PCDHA4: variants seen among roughly 807,000 people sequenced by gnomAD.
PCDHA4 encodes protocadherin alpha 4, also known as protocadherin alpha-4.
PCDHA4 carries 49 observed loss-of-function variants against 61.4 expected under a neutral mutation model. The ratio of observed to expected loss-of-function variants is 0.80; its 90% confidence interval spans 0.63 to 1.01. PCDHA4 has a LOEUF of 1.01. PCDHA4 is among the 50% of genes least tolerant of loss of function. The probability of loss-of-function intolerance (pLI) is 0.00; values close to 1 mark genes in which losing one functional copy is unlikely to be tolerated. For missense variants in PCDHA4, 1,254 were observed against 1,235.8 expected (o/e 1.01, Z -0.22); for synonymous variants, 590 against 550.3 (o/e 1.07, Z -1.01).
chr5:140,857,610 C>T (rs1436552212), intron 1 of PCDHA4: 2 of 1,596,344 alleles, frequency 1.3e-6, no homozygotes, highest in South Asian at 2.2e-5. Flanking sequence ...GCGCTGCAGC[C>T]GCTGGACCAC....
chr5:140,858,711 A>T, intron 1 of PCDHA4: 1 of 537,382 alleles, frequency 1.9e-6, no homozygotes, highest in East Asian at 3.0e-5. Context: ...TATGTGATAT[A>T]GGTTGCAGTT....
chr5:140,823,977 C>G (rs2150131083), intron 1 of PCDHA4: 2 of 1,614,044 alleles, frequency 1.2e-6, no homozygotes, highest in Non-Finnish European at 1.7e-6. Flanking sequence ...GCACACGGGG[C>G]AAGCCCACTC....
intron 1 of PCDHA4, chr5:140,876,998 C>T: frequency 6.2e-7 from 1 of 1,612,502 alleles, no homozygotes; most frequent in South Asian, 1.1e-5. Flanking sequence ...AGCTACGTGT[C>T]GGTGCACGCG....
chr5:140,846,112 TTAC>T (rs1780203711), intron 1 of PCDHA4, among the ~76,000 whole-genome samples: 1 of 149,772 alleles, frequency 6.7e-6, no homozygotes. Context: ...GTAGACTATC[TTAC>T]TTTGATAGTT....
chr5:140,916,068 C>G (rs928159450), intron 1 of PCDHA4, among the ~76,000 whole-genome samples: 1 of 152,166 alleles, frequency 6.6e-6, no homozygotes, highest in African/African-American at 2.4e-5. Context: ...TCCCTGTGGC[C>G]AGTACTACCA....
At chr5:140,912,810 A>G (rs887666910) in intron 1 of PCDHA4, among the ~76,000 whole-genome samples, 16 of 152,202 alleles carry the variant, frequency 1.1e-4, no homozygotes, top group African/African-American at 3.6e-4. Flanking sequence ...GGTTTTTATC[A>G]TAAAGGGATT....
chr5:141,005,821 C>T (rs557161446), intron 3 of PCDHA4, among the ~76,000 whole-genome samples: 1 of 150,884 alleles, frequency 6.6e-6, no homozygotes, highest in African/African-American at 2.4e-5. Context: ...GGTATGGTGG[C>T]CTGTAGTCCC....
intron 1 of PCDHA4, among the ~76,000 whole-genome samples, chr5:140,954,881 C>T (rs2095105725): frequency 6.6e-6 from 1 of 152,092 alleles, no homozygotes; most frequent in Non-Finnish European, 1.5e-5. Flanking sequence ...CCTAGCTTTT[C>T]TTCTAGGGTT....
intron 1 of PCDHA4, among the ~76,000 whole-genome samples, chr5:140,962,592 G>C (rs1318639328): frequency 1.3e-5 from 2 of 152,164 alleles, no homozygotes; most frequent in Non-Finnish European, 2.9e-5. Flanking sequence ...ATATTTGACT[G>C]ATATATTTCT....
intron 1 of PCDHA4, chr5:140,852,246 CTT>C (rs1364833790): frequency 5.5e-6 from 3 of 546,116 alleles, no homozygotes; most frequent in Admixed American, 6.5e-5. Context: ...TTAAAACACA[CTT>C]TTGGAATATG....
At chr5:140,838,555 C>T (rs1775778485) in intron 1 of PCDHA4, among the ~76,000 whole-genome samples, 1 of 151,794 alleles carries the variant, frequency 6.6e-6, no homozygotes, top group Non-Finnish European at 1.5e-5. Flanking sequence ...ATTTATTCAT[C>T]CAGTACTGTA....
intron 1 of PCDHA4, among the ~76,000 whole-genome samples, chr5:140,838,075 ATAGTGTGTGTGT>A (rs1392208969): frequency 0.058 from 7,390 of 128,196 alleles, 326 homozygotes; most frequent in Middle Eastern, 0.092. Flanking sequence ...TTATATATAT[ATAGTGTGTGTGT>A]GTGTGTGTGT....
chr5:140,820,793 G>T (rs889217740), intron 1 of PCDHA4, among the ~76,000 whole-genome samples: 2 of 151,918 alleles, frequency 1.3e-5, no homozygotes, highest in Admixed American at 1.3e-4. Context: ...TAAGTACAAA[G>T]GTATGTATTT....
intron 1 of PCDHA4, chr5:140,871,072 G>A: frequency 6.2e-7 from 1 of 1,613,238 alleles, no homozygotes; most frequent in Non-Finnish European, 8.5e-7. Context: ...CGGTGAGCCG[G>A]CGCTGACGGC....
intron 1 of PCDHA4, chr5:140,966,229 A>T (rs1027352378): frequency 1.1e-5 from 3 of 277,852 alleles, no homozygotes; most frequent in African/African-American, 6.6e-5. Context: ...ATCTCCTTAA[A>T]GACCCGTTAA....
intron 1 of PCDHA4, chr5:140,842,145 G>T (rs2150330392): frequency 6.2e-7 from 1 of 1,613,710 alleles, no homozygotes; most frequent in Non-Finnish European, 8.5e-7. Context: ...GGAGCCAATG[G>T]GGCAATTTCA....
At chr5:140,850,745 C>G in intron 1 of PCDHA4, 1 of 1,597,954 alleles carries the variant, frequency 6.3e-7, no homozygotes, top group Non-Finnish European at 8.6e-7. Context: ...GTTGGTCGTA[C>G]TCGCAGCAGA....
chr5:140,936,846 T>C (rs1385625641), intron 1 of PCDHA4, among the ~76,000 whole-genome samples: 1 of 152,206 alleles, frequency 6.6e-6, no homozygotes, highest in Non-Finnish European at 1.5e-5. Context: ...AATTGTAGAT[T>C]CAGCTTCTCA....
At chr5:140,880,045 G>A (rs1345443297) in intron 1 of PCDHA4, among the ~76,000 whole-genome samples, 2 of 152,164 alleles carry the variant, frequency 1.3e-5, no homozygotes, top group Admixed American at 6.5e-5. Flanking sequence ...GGATTAAGAT[G>A]TGGGCATAAC....
Sources: gnomAD v4.1 joint callset for allele counts (sites outside exome capture counted in the v4.1 genomes callset) on GRCh38, gnomAD v4.1.1 for gene constraint, MANE v1.5 for transcripts, NCBI Gene and HGNC (gene_info 2026-07-23, HGNC 2026-07-21) for gene names.